RBBP8: variants seen among roughly 807,000 people sequenced by gnomAD.
RBBP8 encodes DNA endonuclease RBBP8.
RBBP8 carries 88 observed loss-of-function variants against 108.3 expected under a neutral mutation model. The observed-to-expected ratio is 0.81, with a 90% CI of 0.68 to 0.97. The LOEUF is 0.97. Ranked by LOEUF, RBBP8 falls within the 50% of genes least tolerant of loss-of-function variation. The pLI, the probability that RBBP8 is intolerant of heterozygous loss-of-function variation, is 0.00. For synonymous variants in RBBP8, 332 were observed against 348.2 expected, an observed-to-expected ratio of 0.95 and a Z score of 0.52; for missense variants, 1,023 against 1,049.0, an observed-to-expected ratio of 0.98 and a Z score of 0.34.
At chr18:22,980,963 GTCTTTTTTT>G (rs1914878543) in intron 6 of RBBP8, among the ~76,000 whole-genome samples, 1 of 26,498 alleles carries the variant, frequency 3.8e-5, no homozygotes, top group African/African-American at 9.0e-5. Flanking sequence ...AGCCACTTAT[GTCTTTTTTT>G]TTTTTTTTTT....
intron 4 of RBBP8, among the ~76,000 whole-genome samples, chr18:22,962,006 T>C (rs767115425): frequency 6.6e-6 from 1 of 152,238 alleles, no homozygotes; most frequent in Non-Finnish European, 1.5e-5. Context: ...GTGATCGTCT[T>C]TTCTGTGCTT....
chr18:22,937,493 T>A (rs939944711), intron 2 of RBBP8, among the ~76,000 whole-genome samples: 50 of 151,924 alleles, frequency 3.3e-4, no homozygotes, highest in African/African-American at 1.0e-3. Context: ...ATCTTTTTTT[T>A]TTTTTTATTT....
At chr18:23,007,727 G>A (rs1598738187) in intron 16 of RBBP8, among the ~76,000 whole-genome samples, 1 of 149,840 alleles carries the variant, frequency 6.7e-6, no homozygotes, top group South Asian at 2.1e-4. Flanking sequence ...ACTTTAGGTA[G>A]TAAGACTTAG....
intron 4 of RBBP8, among the ~76,000 whole-genome samples, chr18:22,954,419 G>A (rs1483394889): frequency 6.6e-6 from 1 of 152,220 alleles, no homozygotes; most frequent in African/African-American, 2.4e-5. Flanking sequence ...CAGCAGGGCA[G>A]TCAAATTTTA....
chr18:22,953,556 C>T (rs1045244828), intron 4 of RBBP8, among the ~76,000 whole-genome samples: 5 of 152,214 alleles, frequency 3.3e-5, no homozygotes, highest in African/African-American at 1.2e-4. Context: ...TTTCCAGTGT[C>T]TTCAAAACAC....
Position 23,016,830 on chromosome 18 carries a change from A to T in RBBP8, c.2360A>T (p.Glu787Val). Reference sequence around the variant, plus strand: ...AATTTAATTCATTTTTCCCCCAGAGAGACTAGCTTGCAAAATTTTCCTCAT... The same window carrying T: ...AATTTAATTCATTTTTCCCCCAGAGTGACTAGCTTGCAAAATTTTCCTCAT... ...VEPYFKGDER[E>V]TSLQNFPHIE... The change falls in exon 17 of 19, where the codon GAG (glutamate) becomes GTG (valine). Residue 787 changes from glutamate (E) to valine (V), a missense_variant and splice_region_variant. Glu to Val is a moderately radical substitution (Grantham distance 121). Transcript: ENST00000327155. 4 of 1,609,516 alleles carry T rather than the reference A, an allele frequency of 2.5e-6. No individual in the cohort carries two copies. In the South Asian group the frequency reaches 4.4e-5, roughly 18 times the overall value.
chr18:22,963,036 C>G (rs1027337732), intron 4 of RBBP8, among the ~76,000 whole-genome samples: 5 of 152,068 alleles, frequency 3.3e-5, no homozygotes, highest in African/African-American at 1.2e-4. Context: ...TTTATAATTT[C>G]AGCCAAAAGA....
At chr18:22,975,108 TAATATA>T (rs1387064330) in intron 5 of RBBP8, 39 bp from the exon 6 acceptor site, 5 of 1,551,712 alleles carry the variant, frequency 3.2e-6, no homozygotes, top group Non-Finnish European at 4.4e-6. Flanking sequence ...ACATAGATGT[TAATATA>T]AATATATTAT....
At chr18:22,983,942 G>A (rs1380131946) in intron 7 of RBBP8, among the ~76,000 whole-genome samples, 2 of 152,122 alleles carry the variant, frequency 1.3e-5, no homozygotes, top group Non-Finnish European at 2.9e-5. Flanking sequence ...TTAGCTGGGC[G>A]TGGTGGCACA....
Position 22,936,753 on chromosome 18 carries a change from G to A in RBBP8, c.-98-1G>A. Reference sequence around the variant, plus strand: ...ATTTATGTTGCAATCTGTCATTTCAGGTATTTGACCTGTCCAAAGACGACT... The same window carrying A: ...ATTTATGTTGCAATCTGTCATTTCAAGTATTTGACCTGTCCAAAGACGACT... On this transcript the variant is annotated splice_acceptor_variant, in intron 1 of 18. Coordinates refer to ENST00000327155, the MANE Select transcript of RBBP8 (RefSeq NM_002894.3). LOFTEE classifies it low-confidence loss of function (5UTR_SPLICE). 7.6e-7 allele frequency: 1 copy of A among 1,321,226 alleles called. No individual in the cohort carries two copies. The highest frequency in any genetic ancestry group is 1.1e-6 in the Non-Finnish European group (1 of 922,134). The allele number at this position is 1,321,226 out of a possible 1,614,324, so 81.8% of individuals were successfully genotyped here. A position where few individuals can be genotyped will look rare whatever the true frequency, so the allele number is the denominator to read the frequency against.
intron 16 of RBBP8, among the ~76,000 whole-genome samples, chr18:23,012,207 C>CAAAAAAAAAAAAAAAAAAAAAAAAAAAA (rs368600707): frequency 1.2e-5 from 1 of 81,144 alleles, no homozygotes; most frequent in Non-Finnish European, 2.3e-5. Flanking sequence ...GATGCTGTCT[C>CAAAAAAAAAAAAAAAAAAAAAAAAAAAA]CAAAAAAAAA....
chr18:22,920,325 C>G (rs1909536431), intron 3 of RBBP8, among the ~76,000 whole-genome samples: 1 of 152,114 alleles, frequency 6.6e-6, no homozygotes, highest in Admixed American at 6.6e-5. Flanking sequence ...ATACAAATAG[C>G]TAATTTGCAT....
chr18:22,971,993 A>T (rs148485693), intron 5 of RBBP8, among the ~76,000 whole-genome samples: 93 of 151,974 alleles, frequency 6.1e-4, no homozygotes, highest in African/African-American at 2.2e-3. Context: ...TAATGTTTTA[A>T]TTGGGGAACA....
chr18:22,990,606 A>C, intron 9 of RBBP8, among the ~76,000 whole-genome samples: 1 of 152,194 alleles, frequency 6.6e-6, no homozygotes, highest in East Asian at 1.9e-4. Context: ...TCATAATATT[A>C]TGCAGCTATC....
intron 9 of RBBP8, among the ~76,000 whole-genome samples, chr18:22,990,542 AC>A (rs1915608333): frequency 6.6e-6 from 1 of 152,180 alleles, no homozygotes; most frequent in South Asian, 2.1e-4. Context: ...GGTGAAATTA[AC>A]ATAACATAAA....
chr18:23,012,207 CCAAA>C (rs1409622452), intron 16 of RBBP8, among the ~76,000 whole-genome samples: 5 of 81,144 alleles, frequency 6.2e-5, no homozygotes, highest in African/African-American at 1.4e-4. Flanking sequence ...GATGCTGTCT[CCAAA>C]AAAAAAAAAA....
intron 2 of RBBP8, among the ~76,000 whole-genome samples, chr18:22,944,067 G>T (rs1911334891): frequency 6.6e-6 from 1 of 152,216 alleles, no homozygotes; most frequent in Non-Finnish European, 1.5e-5. Context: ...TCATACAGGA[G>T]CTACATTGTT....
intron 1 of RBBP8, chr18:22,933,824 C>T (rs1230332139): frequency 1.3e-5 from 2 of 152,240 alleles, no homozygotes; most frequent in African/African-American, 4.8e-5. Context: ...CCGCCCCGCG[C>T]ATGCGCCGAC....
chr18:22,996,728 GGCT>G (rs2045865789), intron 13 of RBBP8, among the ~76,000 whole-genome samples: 2 of 152,174 alleles, frequency 1.3e-5, no homozygotes, highest in African/African-American at 2.4e-5. Context: ...CAGGCGCAGT[GGCT>G]CATGCCTGTA....
Sources: allele counts gnomAD v4.1 joint callset (sites outside exome capture counted in the v4.1 genomes callset), GRCh38; gene constraint gnomAD v4.1.1; transcripts MANE v1.5; gene names NCBI Gene and HGNC (gene_info 2026-07-23, HGNC 2026-07-21).